CSMD1: variants seen among roughly 807,000 people sequenced by gnomAD.
CSMD1 encodes CUB and sushi domain-containing protein 1.
In CSMD1, 213 loss-of-function variants were observed where a neutral mutation model predicts 417.5. That is an observed-to-expected ratio of 0.51 (90% CI 0.46 to 0.57). The LOEUF is 0.57. CSMD1 is among the 20% of genes least tolerant of loss of function. The pLI is 0.00. For synonymous variants in CSMD1, 2,862 were observed against 1,736.8 expected (o/e 1.65, Z -16.11); for missense variants, 6,923 against 4,529.7 (o/e 1.53, Z -15.17).
chr8:4,707,087 G>A (rs933878788), intron 1 of CSMD1, among the ~76,000 whole-genome samples: 1 of 152,192 alleles, frequency 6.6e-6, no homozygotes, highest in African/African-American at 2.4e-5. Context: ...CACCCTGGCA[G>A]CTGTGTGGAA....
intron 3 of CSMD1, among the ~76,000 whole-genome samples, chr8:4,227,316 C>A (rs1328691418): frequency 2.0e-5 from 3 of 152,112 alleles, no homozygotes; most frequent in Non-Finnish European, 4.4e-5. Flanking sequence ...CGTGGCCTCT[C>A]CCACCACTCA....
intron 11 of CSMD1, among the ~76,000 whole-genome samples, chr8:3,480,046 C>G (rs909409682): frequency 1.3e-5 from 2 of 152,094 alleles, no homozygotes; most frequent in African/African-American, 2.4e-5. Flanking sequence ...CACTAAACAA[C>G]AGAGACAAAA....
intron 18 of CSMD1, among the ~76,000 whole-genome samples, chr8:3,374,971 C>G (rs1386423913): frequency 6.6e-6 from 1 of 152,172 alleles, no homozygotes; most frequent in Non-Finnish European, 1.5e-5. Flanking sequence ...TTGAAGCACG[C>G]AGACAATTTC....
chr8:3,456,171 T>C (rs190777588), intron 12 of CSMD1, among the ~76,000 whole-genome samples: 1 of 152,318 alleles, frequency 6.6e-6, no homozygotes, highest in Admixed American at 6.5e-5. Context: ...AGCACAGTAT[T>C]AGGGTGGGAG....
intron 1 of CSMD1, among the ~76,000 whole-genome samples, chr8:4,737,799 G>A (rs1406044496): frequency 6.6e-6 from 1 of 152,178 alleles, no homozygotes; most frequent in Non-Finnish European, 1.5e-5. Flanking sequence ...TTTGGACAAT[G>A]GTAGCATCTA....
In CSMD1 at chr8:4,787,724, C is replaced by T. The variant is rs1317942553; in HGVS notation, c.86-150166G>A. 3.1e-6 allele frequency: 5 copies of T among 1,589,442 alleles called. No individual in the cohort carries two copies. The East Asian group carries it at 1.1e-4, about 36-fold the overall frequency. ...TTCAAGGATGCTGCCAATAATGACC[C>T]ACAGTGGTCTGAGGAACAGCTGATT... On this transcript the variant is annotated intron_variant, in intron 1 of 69. Transcript: ENST00000635120.
At chr8:3,647,437 C>G (rs991734357) in intron 7 of CSMD1, among the ~76,000 whole-genome samples, 1 of 151,966 alleles carries the variant, frequency 6.6e-6, no homozygotes, top group Admixed American at 6.6e-5. Context: ...AAGAGAAATA[C>G]AGTACATAGA....
chr8:3,909,371 G>A (rs1278692881), intron 5 of CSMD1, among the ~76,000 whole-genome samples: 1 of 152,104 alleles, frequency 6.6e-6, no homozygotes, highest in African/African-American at 2.4e-5. Context: ...ACATTCGTCA[G>A]GAGGAACCCA....
rs1475758967 is a variant in CSMD1, at chr8:4,647,450, G to C, written c.86-9892C>G. Among the ~76,000 whole-genome samples the C allele has an allele frequency of 4.6e-5, 7 of 151,706 alleles. 1 individual carries two copies. The highest frequency in any genetic ancestry group is 1.5e-4 in the African/African-American group (6 of 41,168). Reference sequence around the variant, plus strand: ...CGGCCTGCTACGTAGGTATGCGTGTGCCACGGCGGCCTGCTACGTAGGTAC... The same window carrying C: ...CGGCCTGCTACGTAGGTATGCGTGTCCCACGGCGGCCTGCTACGTAGGTAC... On this transcript the variant is annotated intron_variant, in intron 1 of 69. Coordinates refer to ENST00000635120, the MANE Select transcript of CSMD1 (RefSeq NM_033225.6).
intron 3 of CSMD1, among the ~76,000 whole-genome samples, chr8:4,321,612 T>G (rs758252038): frequency 6.6e-6 from 1 of 152,114 alleles, no homozygotes. Context: ...AAATACCTTT[T>G]CCTCCCCTTT....
chr8:4,879,632 G>T (rs746832794), intron 1 of CSMD1, among the ~76,000 whole-genome samples: 1 of 151,998 alleles, frequency 6.6e-6, no homozygotes, highest in Non-Finnish European at 1.5e-5. Flanking sequence ...AACAGTTAAA[G>T]AGCCAGAATA....
Position 4,447,045 on chromosome 8 carries a change from G to C in CSMD1, c.303-26980C>G, listed in dbSNP as rs190715219. Among the ~76,000 whole-genome samples, 273 of 152,186 alleles carry C rather than the reference G, an allele frequency of 1.8e-3. 1 individual carries two copies. The highest frequency in any genetic ancestry group is 6.4e-3 in the African/African-American group (265 of 41,530). ...GTGGAGTTAACAAAAAGGATCATCA[G>C]CCTGTGTCAGGTCTGCGAGCCTAGC... On this transcript the variant is annotated intron_variant, in intron 2 of 69. Transcript: ENST00000635120.
intron 52 of CSMD1, among the ~76,000 whole-genome samples, chr8:3,007,800 T>A (rs1220822315): frequency 6.8e-6 from 1 of 147,482 alleles, no homozygotes; most frequent in Non-Finnish European, 1.5e-5. Context: ...AGGGATAGCA[T>A]CGGGAGATAT....
Position 3,308,410 on chromosome 8 carries a change from T to C in CSMD1, c.3725A>G (p.Tyr1242Cys). 6.2e-7 allele frequency: 1 copy of C among 1,613,840 alleles called. No homozygotes were observed. Among genetic ancestry groups the C allele is most frequent in the Non-Finnish European group, 8.5e-7 (1 of 1,179,808 alleles). Residue 1242 changes from tyrosine to cysteine, a missense_variant, in exon 24 of 70, where the codon TAC becomes TGC. Tyr to Cys is a radical substitution (Grantham distance 194). Transcript: ENST00000635120. ...EGHFTDTVVL[Y>C]SCNPGYAMHG... ...CATGGCGTACCCCGGGTTGCAACTG[T>C]ACAGAACTACAGTGTCGGTAAAGTG...
intron 5 of CSMD1, among the ~76,000 whole-genome samples, chr8:3,982,854 T>C (rs2130198398): frequency 6.6e-6 from 1 of 152,350 alleles, no homozygotes; most frequent in African/African-American, 2.4e-5. Context: ...GCTCTACGCA[T>C]ACCAAGGACA....
At chr8:4,822,321 G>A (rs1386854494) in intron 1 of CSMD1, among the ~76,000 whole-genome samples, 1 of 152,102 alleles carries the variant, frequency 6.6e-6, no homozygotes, top group Non-Finnish European at 1.5e-5. Flanking sequence ...CCCACTGCAG[G>A]TTACTGAAAT....
intron 3 of CSMD1, among the ~76,000 whole-genome samples, chr8:4,054,499 C>T (rs1027821862): frequency 1.3e-5 from 2 of 152,046 alleles, no homozygotes; most frequent in African/African-American, 2.4e-5. Flanking sequence ...TTTGTCATGT[C>T]GGTTTCGTCT....
chr8:4,257,780 G>C (rs75547692), intron 3 of CSMD1, among the ~76,000 whole-genome samples: 2 of 152,168 alleles, frequency 1.3e-5, no homozygotes, highest in Non-Finnish European at 2.9e-5. Flanking sequence ...CATCCGCCTC[G>C]TAGGAATGCC....
chr8:4,124,215 G>A (rs1206824793), intron 3 of CSMD1, among the ~76,000 whole-genome samples: 1 of 152,092 alleles, frequency 6.6e-6, no homozygotes, highest in Admixed American at 6.5e-5. Flanking sequence ...GAAGCTTCAG[G>A]GCTCCTGGGC....
Sources: gnomAD v4.1 joint callset for allele counts (sites outside exome capture counted in the v4.1 genomes callset) on GRCh38, gnomAD v4.1.1 for gene constraint, MANE v1.5 for transcripts, NCBI Gene and HGNC (gene_info 2026-07-23, HGNC 2026-07-21) for gene names.